The following RBFOX1 variants were observed in gnomAD, a reference collection of about 807,000 sequenced individuals.
RBFOX1 encodes RNA binding protein fox-1 homolog 1.
RBFOX1 carries 8 observed loss-of-function variants against 57.7 expected under a neutral mutation model. That is an observed-to-expected ratio of 0.14 (90% confidence interval 0.08 to 0.25). RBFOX1 has a LOEUF of 0.25. RBFOX1 is among the 10% of genes least tolerant of loss of function. The probability of loss-of-function intolerance (pLI) is 1.00; values close to 1 mark genes in which losing one functional copy is unlikely to be tolerated. For missense variants in RBFOX1, 611 were observed against 548.5 expected (o/e 1.11, Z -1.14); for synonymous variants, 326 against 222.4 (o/e 1.47, Z -4.15).
At chr16:7,007,099 C>G (rs979640802) in intron 3 of RBFOX1, among the ~76,000 whole-genome samples, 9 of 152,208 alleles carry the variant, frequency 5.9e-5, no homozygotes, top group African/African-American at 2.2e-4. Flanking sequence ...CAATGGTTGG[C>G]TGTATGGACT....
intron 1 of RBFOX1, among the ~76,000 whole-genome samples, chr16:6,155,330 C>T (rs1486000520): frequency 6.6e-6 from 1 of 152,158 alleles, no homozygotes; most frequent in Admixed American, 6.5e-5. Context: ...CGCCGTGGAG[C>T]TGTGCACTGT....
intron 1 of RBFOX1, among the ~76,000 whole-genome samples, chr16:6,042,970 AGCCAG>A (rs1180016205): frequency 6.6e-6 from 1 of 151,964 alleles, no homozygotes; most frequent in African/African-American, 2.4e-5. Flanking sequence ...TAAAATGCTT[AGCCAG>A]GCTTGGTGGC....
chr16:6,619,380 C>A (rs1350987290), intron 2 of RBFOX1, among the ~76,000 whole-genome samples: 1 of 152,124 alleles, frequency 6.6e-6, no homozygotes, highest in African/African-American at 2.4e-5. Context: ...TATGCCAAGC[C>A]CCACATAAAA....
At chr16:7,288,477 A>C (rs2095694228) in intron 4 of RBFOX1, among the ~76,000 whole-genome samples, 1 of 152,206 alleles carries the variant, frequency 6.6e-6, no homozygotes, top group African/African-American at 2.4e-5. Flanking sequence ...TGGGAAGATG[A>C]AATAAGATAA....
intron 3 of RBFOX1, among the ~76,000 whole-genome samples, chr16:5,764,947 G>A (rs1053666471): frequency 2.8e-4 from 43 of 152,152 alleles, no homozygotes; most frequent in Non-Finnish European, 5.0e-4. Flanking sequence ...GGATAAGGTA[G>A]GAAAGGCAAA....
chr16:7,001,264 A>G (rs566174547), intron 3 of RBFOX1, among the ~76,000 whole-genome samples: 7 of 151,916 alleles, frequency 4.6e-5, no homozygotes, highest in Non-Finnish European at 1.0e-4. Context: ...CCTTGTTCAG[A>G]TGGATGGAGA....
At chr16:6,088,076 A>G (rs900785836) in intron 1 of RBFOX1, among the ~76,000 whole-genome samples, 5 of 152,172 alleles carry the variant, frequency 3.3e-5, no homozygotes, top group African/African-American at 1.2e-4. Flanking sequence ...TACAAGGTGA[A>G]TTTTAGAGAG....
At chr16:6,280,271 G>A (rs2076238506) in intron 1 of RBFOX1, among the ~76,000 whole-genome samples, 1 of 152,184 alleles carries the variant, frequency 6.6e-6, no homozygotes, top group Non-Finnish European at 1.5e-5. Context: ...TCCAAGGACA[G>A]CCGCCTCCCT....
At chr16:7,016,287 G>C (rs572081096) in intron 3 of RBFOX1, among the ~76,000 whole-genome samples, 2 of 152,290 alleles carry the variant, frequency 1.3e-5, no homozygotes, top group South Asian at 2.1e-4. Flanking sequence ...ACATGTGGTA[G>C]ATCCTTCTGC....
intron 3 of RBFOX1, among the ~76,000 whole-genome samples, chr16:5,787,115 C>T (rs1417485355): frequency 6.6e-6 from 1 of 152,156 alleles, no homozygotes; most frequent in Non-Finnish European, 1.5e-5. Context: ...GCCTGGGAAA[C>T]AGAGTGAGAT....
At chr16:6,917,557 A>G (rs146982387) in intron 3 of RBFOX1, among the ~76,000 whole-genome samples, 1,732 of 152,318 alleles carry the variant, frequency 0.011, 15 homozygotes, top group Non-Finnish European at 0.019. Context: ...TCATTTTTCT[A>G]AGTGTCTCCT....
At chr16:6,732,610 G>A (rs992565786) in intron 3 of RBFOX1, among the ~76,000 whole-genome samples, 16 of 152,226 alleles carry the variant, frequency 1.1e-4, no homozygotes, top group Non-Finnish European at 2.2e-4. Flanking sequence ...GCAAGGCAGG[G>A]ACCCTCTGTG....
At chr16:6,474,721 G>T (rs2095246072) in intron 2 of RBFOX1, among the ~76,000 whole-genome samples, 1 of 152,154 alleles carries the variant, frequency 6.6e-6, no homozygotes, top group African/African-American at 2.4e-5. Flanking sequence ...GGTGAGATGA[G>T]TTCCCTTTCA....
At chr16:6,849,095 G>C (rs548432656) in intron 3 of RBFOX1, among the ~76,000 whole-genome samples, 5 of 152,256 alleles carry the variant, frequency 3.3e-5, no homozygotes, top group Admixed American at 3.3e-4. Context: ...TGCATGAGAC[G>C]CTCCACATTT....
At chr16:7,177,112 T>C (rs902355442) in intron 4 of RBFOX1, among the ~76,000 whole-genome samples, 1 of 152,216 alleles carries the variant, frequency 6.6e-6, no homozygotes, top group Admixed American at 6.5e-5. Context: ...CCATTTAGTA[T>C]TGTAGAACTG....
chr16:7,415,349 G>C (rs974899051), intron 4 of RBFOX1, among the ~76,000 whole-genome samples: 2 of 152,054 alleles, frequency 1.3e-5, no homozygotes, highest in African/African-American at 2.4e-5. Context: ...ATGGAGTTCT[G>C]GTATCAAAAT....
chr16:6,592,718 C>G (rs1600853459), intron 2 of RBFOX1, among the ~76,000 whole-genome samples: 1 of 152,018 alleles, frequency 6.6e-6, no homozygotes, highest in Non-Finnish European at 1.5e-5. Flanking sequence ...GTGTGTGTAC[C>G]CACCTGTGTG....
chr16:7,487,468 C>T (rs1418374071), intron 4 of RBFOX1, among the ~76,000 whole-genome samples: 1 of 152,128 alleles, frequency 6.6e-6, no homozygotes, highest in Non-Finnish European at 1.5e-5. Context: ...GTGAATTTCA[C>T]CTGCGTGAAA....
chr16:5,749,663 G>C (rs1208931148), intron 3 of RBFOX1, among the ~76,000 whole-genome samples: 1 of 152,122 alleles, frequency 6.6e-6, no homozygotes, highest in African/African-American at 2.4e-5. Context: ...CGAATCGGCT[G>C]CTGAAGCTTA....
Sources: gnomAD v4.1 joint callset for allele counts (sites outside exome capture counted in the v4.1 genomes callset) on GRCh38, gnomAD v4.1.1 for gene constraint, MANE v1.5 for transcripts, NCBI Gene and HGNC (gene_info 2026-07-23, HGNC 2026-07-21) for gene names.